ENPP2: variants seen among roughly 807,000 people sequenced by gnomAD.
The protein encoded by ENPP2 is autotaxin.
Under a neutral mutation model 120.2 loss-of-function variants are expected in ENPP2, and 51 were observed. The observed-to-expected ratio is 0.42, with a 90% CI of 0.34 to 0.54. The LOEUF (loss-of-function observed/expected upper bound fraction) is 0.54. Ranked by LOEUF, ENPP2 falls within the 20% of genes least tolerant of loss-of-function variation. The pLI is 0.04. For missense variants in ENPP2, 920 were observed against 1,066.5 expected, an observed-to-expected ratio of 0.86 and a Z score of 1.91; for synonymous variants, 365 against 366.4, an observed-to-expected ratio of 1.00 and a Z score of 0.04.
intron 9 of ENPP2, among the ~76,000 whole-genome samples, chr8:119,606,338 A>G (rs960475642): frequency 4.6e-5 from 7 of 152,212 alleles, no homozygotes; most frequent in African/African-American, 1.4e-4. Flanking sequence ...ATTCAAAACC[A>G]GAACACTGGG....
chr8:119,573,923 T>A (rs1812150912), intron 19 of ENPP2, among the ~76,000 whole-genome samples: 1 of 152,182 alleles, frequency 6.6e-6, no homozygotes, highest in Admixed American at 6.5e-5. Flanking sequence ...ACTGCCTTTT[T>A]CTCAATTATT....
chr8:119,612,008 G>A (rs748100432), intron 8 of ENPP2, among the ~76,000 whole-genome samples: 14 of 152,156 alleles, frequency 9.2e-5, no homozygotes, highest in Non-Finnish European at 1.0e-4. Flanking sequence ...CAGCCTGGGC[G>A]ACAGAGCAAA....
At chr8:119,592,976 C>T (rs1587419422) in intron 12 of ENPP2, 1 of 983,070 alleles carries the variant, frequency 1.0e-6, no homozygotes, top group Non-Finnish European at 1.2e-6. Flanking sequence ...CTCCGAACTC[C>T]ACTAGAAGGG....
chr8:119,621,354 T>G lies in ENPP2; in HGVS notation c.418+40A>C, dbSNP rs746908379. ...GATCTCCTGGAGCACCTCCAGTTTT[T>G]ATTCTTTTAAAGCTCAGGCCAATCC... is the stretch of plus-strand genomic sequence containing the variant. On this transcript the variant is annotated intron_variant, in intron 4 of 24. Coordinates refer to ENST00000075322, the MANE Select transcript of ENPP2 (RefSeq NM_001040092.3). 29 of 1,604,602 alleles carry G rather than the reference T, an allele frequency of 1.8e-5. 1 individual carries two copies. In the South Asian group the frequency reaches 3.2e-4, roughly 18 times the overall value.
chr8:119,599,039 G>A (rs1035774807), intron 11 of ENPP2, among the ~76,000 whole-genome samples: 1 of 152,188 alleles, frequency 6.6e-6, no homozygotes, highest in Non-Finnish European at 1.5e-5. Flanking sequence ...TTGATAAAAT[G>A]TGGTTCCTTT....
intron 1 of ENPP2, among the ~76,000 whole-genome samples, chr8:119,663,526 A>G (rs1817985158): frequency 6.6e-6 from 1 of 152,152 alleles, no homozygotes; most frequent in Non-Finnish European, 1.5e-5. Context: ...TTTTTGCTAA[A>G]TCTAACAGCC....
intron 20 of ENPP2, 63 bp downstream of exon 20, chr8:119,570,642 T>C: frequency 1.2e-6 from 1 of 855,528 alleles, no homozygotes; most frequent in Non-Finnish European, 1.8e-6. Context: ...AAGCAAGGAA[T>C]CATTGTATTA....
intron 1 of ENPP2, among the ~76,000 whole-genome samples, chr8:119,662,676 T>A (rs568780707): frequency 6.6e-6 from 1 of 152,212 alleles, no homozygotes; most frequent in Non-Finnish European, 1.5e-5. Context: ...GAAACAAAAC[T>A]TTGACACGTG....
At chr8:119,572,499 T>C in intron 19 of ENPP2, 1 of 472,834 alleles carries the variant, frequency 2.1e-6, no homozygotes, top group East Asian at 3.4e-5. Flanking sequence ...TCCTCCTCAT[T>C]TCTAAGCATT....
At chr8:119,578,980 A>C (rs925863957) in intron 19 of ENPP2, among the ~76,000 whole-genome samples, 19 of 152,196 alleles carry the variant, frequency 1.2e-4, no homozygotes, top group African/African-American at 4.1e-4. Flanking sequence ...TAAGCTAATA[A>C]CTCAAGCGAT....
chr8:119,591,182 G>C (rs1231174923), intron 12 of ENPP2, among the ~76,000 whole-genome samples: 1 of 152,026 alleles, frequency 6.6e-6, no homozygotes, highest in Admixed American at 6.6e-5. Context: ...GGATGTTACT[G>C]ACAAAACAAT....
intron 19 of ENPP2, among the ~76,000 whole-genome samples, chr8:119,572,402 C>T (rs950829551): frequency 2.6e-5 from 4 of 152,146 alleles, no homozygotes; most frequent in Non-Finnish European, 5.9e-5. Flanking sequence ...GCCATGTTCC[C>T]ATACGCAATA....
intron 19 of ENPP2, among the ~76,000 whole-genome samples, chr8:119,573,446 G>C (rs534858020): frequency 5.3e-4 from 78 of 145,822 alleles, no homozygotes; most frequent in African/African-American, 1.9e-3. Context: ...TCTCCTGAAA[G>C]GTTTCCTCAA....
intron 1 of ENPP2, among the ~76,000 whole-genome samples, chr8:119,668,374 T>C (rs1183040457): frequency 6.6e-6 from 1 of 152,118 alleles, no homozygotes; most frequent in Non-Finnish European, 1.5e-5. Flanking sequence ...GTACGATGAC[T>C]ATCATGTCTC....
Position 119,557,460 on chromosome 8 carries a change from A to G in ENPP2, c.*61T>C, listed in dbSNP as rs1350038806. ...ATGTCCTGGTTTCAAATTAATAAAT[A>G]CAAAAACAATATAAAAATATACAAC... is the stretch of plus-strand genomic sequence containing the variant. On this transcript the variant is annotated 3_prime_UTR_variant, in exon 25 of 25. Transcript: ENST00000075322. The G allele has an allele frequency of 2.2e-6, 3 of 1,368,198 alleles. No homozygotes were observed. The highest frequency in any genetic ancestry group is 1.5e-5 in the African/African-American group (1 of 67,862). The allele number at this position is 1,368,198 out of a possible 1,614,324, so 84.8% of individuals were successfully genotyped here. A position where few individuals can be genotyped will look rare whatever the true frequency, so the allele number is the denominator to read the frequency against.
At chr8:119,649,571 T>C (rs775156476) in intron 1 of ENPP2, among the ~76,000 whole-genome samples, 1 of 152,204 alleles carries the variant, frequency 6.6e-6, no homozygotes, top group Non-Finnish European at 1.5e-5. Context: ...ATCTGCTTTT[T>C]CATGATCGGA....
chr8:119,560,889 CAT>C (rs140305487), intron 24 of ENPP2, among the ~76,000 whole-genome samples: 6 of 150,888 alleles, frequency 4.0e-5, no homozygotes, highest in East Asian at 1.9e-4. Context: ...GGGGAGAGAT[CAT>C]ATATATATAT....
At chr8:119,574,033 G>A (rs1203337930) in intron 19 of ENPP2, among the ~76,000 whole-genome samples, 1 of 152,092 alleles carries the variant, frequency 6.6e-6, no homozygotes. Flanking sequence ...AAATCTACTT[G>A]GGTCTTCCTG....
chr8:119,617,377 G>A (rs537928921), intron 6 of ENPP2, 89 bp downstream of exon 6: 56 of 1,122,288 alleles, frequency 5.0e-5, no homozygotes, highest in East Asian at 3.5e-4. Flanking sequence ...TTAAAACTAC[G>A]TGCCCATAGA....
Sources: allele counts gnomAD v4.1 joint callset (sites outside exome capture counted in the v4.1 genomes callset), GRCh38; gene constraint gnomAD v4.1.1; transcripts MANE v1.5; gene names NCBI Gene and HGNC (gene_info 2026-07-23, HGNC 2026-07-21).